The following DNAH8 variants were observed in gnomAD, a reference collection of about 807,000 sequenced individuals.
The protein encoded by DNAH8 is dynein axonemal heavy chain 8.
DNAH8 carries 382 observed loss-of-function variants against 562.1 expected under a neutral mutation model. That is an observed-to-expected ratio of 0.68 (90% CI 0.63 to 0.74). The LOEUF is 0.74. Among genes scored for constraint, DNAH8 ranks in the 30% least tolerant of loss-of-function variants. The pLI, the probability that DNAH8 is intolerant of heterozygous loss-of-function variation, is 0.00. For synonymous variants in DNAH8, 1,881 were observed against 1,919.4 expected, an observed-to-expected ratio of 0.98 and a Z score of 0.52; for missense variants, 5,203 against 5,620.4, an observed-to-expected ratio of 0.93 and a Z score of 2.37.
At chr6:38,909,432 C>G in intron 64 of DNAH8, 86 bp from the exon 65 acceptor site, 1 of 1,215,636 alleles carries the variant, frequency 8.2e-7, no homozygotes, top group Non-Finnish European at 1.2e-6. Flanking sequence ...TGATGTCACA[C>G]TCTTGGGTCA....
intron 3 of DNAH8, among the ~76,000 whole-genome samples, chr6:38,725,768 A>G (rs1763170139): frequency 6.6e-6 from 1 of 152,138 alleles, no homozygotes; most frequent in South Asian, 2.1e-4. Flanking sequence ...TTTTGTCACC[A>G]TTTTGAAGTT....
chr6:38,724,626 T>C (rs986930863), intron 3 of DNAH8, among the ~76,000 whole-genome samples: 1 of 152,214 alleles, frequency 6.6e-6, no homozygotes, highest in African/African-American at 2.4e-5. Context: ...CAGTACCTCC[T>C]GACACTACTA....
At chr6:38,733,353 A>C (rs1187774535) in intron 4 of DNAH8, among the ~76,000 whole-genome samples, 1 of 151,376 alleles carries the variant, frequency 6.6e-6, no homozygotes, top group East Asian at 1.9e-4. Flanking sequence ...TTTAATTTTC[A>C]TGGAAATTAG....
intron 92 of DNAH8, among the ~76,000 whole-genome samples, chr6:39,026,875 A>G (rs1767325072): frequency 6.6e-6 from 1 of 152,200 alleles, no homozygotes; most frequent in African/African-American, 2.4e-5. Flanking sequence ...GAGCTCTTAG[A>G]ACTCCGTAGA....
At position 39,030,264 on chromosome 6, in the gene DNAH8, G is replaced by T. The variant is rs201770911; in HGVS notation, c.13996G>T (p.Val4666Leu). The T allele has an allele frequency of 6.8e-6, 11 of 1,614,048 alleles. No homozygotes were observed. Among genetic ancestry groups the T allele is most frequent in the Admixed American group, 1.7e-5 (1 of 60,008 alleles). ...STAPKDPKLY[V>L]CPIYKKPRRT... Reference sequence around the variant, plus strand: ...GGCACCCAAGGACCCCAAGCTGTATGTGTGTCCTATTTACAAGAAACCCAG... The same window carrying T: ...GGCACCCAAGGACCCCAAGCTGTATTTGTGTCCTATTTACAAGAAACCCAG... Residue 4666 changes from valine to leucine, a missense_variant, in exon 93 of 93, where the codon GTG (valine) becomes TTG (leucine). Val to Leu is a conservative substitution (Grantham distance 32). This residue lies in a region of DNAH8 where 1,399 missense variants were observed against 1,518.4 expected (regional missense o/e 0.92). Transcript: ENST00000327475.
chr6:38,909,827 G>T (rs1780751408), intron 65 of DNAH8, 83 bp downstream of exon 65: 2 of 1,141,670 alleles, frequency 1.8e-6, no homozygotes, highest in Non-Finnish European at 1.3e-6. Flanking sequence ...TCCAGCAGAA[G>T]ACTCTTTCTA....
At chr6:39,021,912 T>G (rs1321425514) in intron 91 of DNAH8, among the ~76,000 whole-genome samples, 1 of 152,242 alleles carries the variant, frequency 6.6e-6, no homozygotes, top group Non-Finnish European at 1.5e-5. Flanking sequence ...TTCTAAGACC[T>G]TGTATGAAAT....
rs755577900 is a variant in DNAH8, at chr6:38,908,009, T to A, written c.9402T>A (p.Ile3134=). The change falls in exon 64 of 93, where the codon ATT becomes ATA. Residue 3134 remains isoleucine (I), a synonymous_variant. Transcript: ENST00000327475. The stretch of plus-strand genomic sequence containing the variant: ...TGGATGAAATCACCCAAGGTCTGAT[T>A]TCAGTGATGAAGAGGGAGCTACCTC... ...DEMDEITQGL[I]SVMKRELPRH... The A allele has an allele frequency of 1.2e-6, 2 of 1,612,480 alleles. No individual in the cohort carries two copies. Among genetic ancestry groups the A allele is most frequent in the African/African-American group, 2.7e-5 (2 of 74,840 alleles).
At chr6:38,795,581 G>GAAA (rs1554212768) in intron 21 of DNAH8, among the ~76,000 whole-genome samples, 1 of 128,060 alleles carries the variant, frequency 7.8e-6, no homozygotes. Context: ...CTGTGTCTCA[G>GAAA]AAAAAAAAAA....
chr6:39,006,366 T>C (rs1765800361), intron 88 of DNAH8, among the ~76,000 whole-genome samples: 3 of 152,366 alleles, frequency 2.0e-5, no homozygotes, highest in South Asian at 2.1e-4. Flanking sequence ...TATAGTTTCC[T>C]CTTTAATACT....
intron 91 of DNAH8, among the ~76,000 whole-genome samples, chr6:39,015,203 G>T (rs903981740): frequency 3.0e-4 from 45 of 152,160 alleles, no homozygotes; most frequent in African/African-American, 9.2e-4. Context: ...CAAGGGAGTG[G>T]AGTTGGTTCA....
At chr6:38,759,481 A>G (rs1766283091) in intron 10 of DNAH8, among the ~76,000 whole-genome samples, 1 of 152,226 alleles carries the variant, frequency 6.6e-6, no homozygotes, top group African/African-American at 2.4e-5. Flanking sequence ...CCTAAATACG[A>G]CAAGACTCTC....
At chr6:38,924,506 C>CG (rs970467545) in intron 73 of DNAH8, among the ~76,000 whole-genome samples, 9 of 151,578 alleles carry the variant, frequency 5.9e-5, no homozygotes, top group Admixed American at 4.6e-4. Flanking sequence ...CTCCATCCCC[C>CG]CCCCAAAAAA....
intron 76 of DNAH8, among the ~76,000 whole-genome samples, chr6:38,933,715 C>T (rs909941995): frequency 2.0e-5 from 3 of 152,160 alleles, no homozygotes; most frequent in African/African-American, 7.2e-5. Context: ...CTCCTGCCAC[C>T]CTGTAAGTAC....
rs763474060 is a variant in DNAH8, at chr6:38,741,853, A to G, written c.1259A>G (p.Asn420Ser). ...IKGPSCKAVI[N>S]VLNVAHSKLL... ...GGGCCAAGTTGTAAGGCTGTCATAA[A>G]TGTGCTAAATGTTGCACACTCCAAA... The change falls in exon 8 of 93, where the codon AAT (asparagine) becomes AGT (serine). Residue 420 changes from asparagine to serine, a missense_variant. Asn to Ser is a conservative substitution (Grantham distance 46). Around this residue, in one of 6 missense-constraint regions of DNAH8, gnomAD observed 2,176 missense variants for 2,365.1 expected, o/e 0.92. Transcript: ENST00000327475. 7.4e-6 allele frequency: 12 copies of G among 1,613,850 alleles called. No individual in the cohort carries two copies. The highest frequency in any genetic ancestry group is 1.3e-5 in the African/African-American group (1 of 74,920).
chr6:38,872,740 A>AT lies in DNAH8; in HGVS notation c.7201dup (p.Ser2401PhefsTer11), dbSNP rs781221428. The AT allele has an allele frequency of 3.1e-6, 5 of 1,613,960 alleles. No homozygotes were observed. Among genetic ancestry groups the AT allele is most frequent in the South Asian group, 1.1e-5 (1 of 91,090 alleles). On this transcript the variant is annotated frameshift_variant, in exon 50 of 93. Transcript: ENST00000327475. LOFTEE classifies it high-confidence loss of function. The stretch of plus-strand genomic sequence containing the variant: ...TGCTACCAATGACTGGACAGATGGG[A>AT]TTTTTTCTACTCTGTGGAGAAAAAC...
chr6:38,966,494 T>C (rs1762978275), intron 82 of DNAH8, among the ~76,000 whole-genome samples: 1 of 152,172 alleles, frequency 6.6e-6, no homozygotes, highest in Non-Finnish European at 1.5e-5. Context: ...AGACCAGTAT[T>C]ACCATGATAC....
At chr6:38,737,510 A>G (rs1327631250) in intron 6 of DNAH8, among the ~76,000 whole-genome samples, 1 of 151,616 alleles carries the variant, frequency 6.6e-6, no homozygotes, top group Admixed American at 6.6e-5. Context: ...TCACCATATT[A>G]AAATATATAC....
intron 9 of DNAH8, among the ~76,000 whole-genome samples, chr6:38,753,648 A>G (rs973231279): frequency 2.0e-5 from 3 of 152,174 alleles, no homozygotes; most frequent in Admixed American, 2.0e-4. Flanking sequence ...CATTGCTATC[A>G]AGACTCCAAA....
Sources: allele counts gnomAD v4.1 joint callset (sites outside exome capture counted in the v4.1 genomes callset), GRCh38; gene constraint gnomAD v4.1.1; regional missense constraint gnomAD v4.1.1; transcripts MANE v1.5; gene names NCBI Gene and HGNC (gene_info 2026-07-23, HGNC 2026-07-21).